The following KCTD8 variants were observed in gnomAD, a reference collection of about 807,000 sequenced individuals.
The protein encoded by KCTD8 is potassium channel tetramerization domain containing 8.
Under a neutral mutation model 31.5 loss-of-function variants are expected in KCTD8, and 27 were observed. The observed-to-expected ratio is 0.86, with a 90% CI of 0.63 to 1.18. The LOEUF is 1.18. KCTD8 is among the 50% of genes most tolerant of loss of function. The pLI, the probability that KCTD8 is intolerant of heterozygous loss-of-function variation, is 0.00. For missense variants in KCTD8, 658 were observed against 647.7 expected (o/e 1.02, Z -0.17); for synonymous variants, 290 against 280.0 (o/e 1.04, Z -0.36).
chr4:44,446,803 T>C (rs1721949288), intron 1 of KCTD8, among the ~76,000 whole-genome samples: 1 of 148,826 alleles, frequency 6.7e-6, no homozygotes, highest in African/African-American at 2.5e-5. Flanking sequence ...CCCTCCTCCC[T>C]TGCCCCTCCT....
chr4:44,313,402 T>C (rs116660841), intron 1 of KCTD8, among the ~76,000 whole-genome samples: 1,639 of 152,320 alleles, frequency 0.011, 13 homozygotes, highest in Non-Finnish European at 0.02. Context: ...AGTAGGTGAA[T>C]CACTTGGCCG....
intron 1 of KCTD8, among the ~76,000 whole-genome samples, chr4:44,253,833 G>A (rs913448938): frequency 6.6e-6 from 1 of 151,850 alleles, no homozygotes; most frequent in Non-Finnish European, 1.5e-5. Flanking sequence ...TAGAATTTTT[G>A]TTACATAGCA....
intron 1 of KCTD8, among the ~76,000 whole-genome samples, chr4:44,342,706 A>C (rs1303791306): frequency 6.6e-6 from 1 of 152,262 alleles, no homozygotes; most frequent in East Asian, 1.9e-4. Context: ...TGTTTTCTAC[A>C]TACTGAAAAT....
At chr4:44,373,190 G>A (rs1330340880) in intron 1 of KCTD8, among the ~76,000 whole-genome samples, 2 of 151,944 alleles carry the variant, frequency 1.3e-5, no homozygotes, top group African/African-American at 4.8e-5. Flanking sequence ...TGGTGAAACT[G>A]TCTCTACTAA....
intron 1 of KCTD8, among the ~76,000 whole-genome samples, chr4:44,272,121 TTATA>T (rs34459205): frequency 7.7e-5 from 11 of 142,498 alleles, no homozygotes; most frequent in South Asian, 2.2e-4. Context: ...TGGTATTATA[TTATA>T]TATATATATA....
At chr4:44,275,262 T>A (rs1295378210) in intron 1 of KCTD8, among the ~76,000 whole-genome samples, 1 of 151,994 alleles carries the variant, frequency 6.6e-6, no homozygotes, top group African/African-American at 2.4e-5. Flanking sequence ...AATATAAGCC[T>A]TTCCTGTGCT....
chr4:44,310,536 C>G (rs139602340), intron 1 of KCTD8, among the ~76,000 whole-genome samples: 3 of 152,112 alleles, frequency 2.0e-5, no homozygotes, highest in African/African-American at 7.2e-5. Flanking sequence ...AGGGGGAAAA[C>G]AAAAAGAAAC....
chr4:44,277,516 C>T (rs1379135445), intron 1 of KCTD8, among the ~76,000 whole-genome samples: 5 of 151,686 alleles, frequency 3.3e-5, no homozygotes. Context: ...CAAAAAACAG[C>T]TACACGGAGT....
chr4:44,226,928 T>A (rs1390014931), intron 1 of KCTD8, among the ~76,000 whole-genome samples: 2 of 152,286 alleles, frequency 1.3e-5, no homozygotes, highest in Non-Finnish European at 2.9e-5. Flanking sequence ...CCTTGTAGAT[T>A]CTGGATATTA....
intron 1 of KCTD8, among the ~76,000 whole-genome samples, chr4:44,349,536 T>C (rs764402050): frequency 2.6e-5 from 4 of 152,174 alleles, no homozygotes; most frequent in African/African-American, 7.2e-5. Flanking sequence ...CAAAAGCTAA[T>C]GTCATCCTGA....
rs116577506 is a variant in KCTD8, at chr4:44,389,276, T to C, written c.961+58287A>G. 2.5e-3 allele frequency among the ~76,000 whole-genome samples: 376 copies of C among 151,860 alleles called. 1 individual carries two copies. The highest frequency in any genetic ancestry group is 4.1e-3 in the Admixed American group (63 of 15,200). ...TGTGTACATTTTAAAATAAACAGTA[T>C]AATTGAGTTGTCTATAACATAAAGA... On this transcript the variant is annotated intron_variant, in intron 1 of 1. Transcript: ENST00000360029.
At chr4:44,416,028 C>A (rs1577662785) in intron 1 of KCTD8, among the ~76,000 whole-genome samples, 1 of 152,186 alleles carries the variant, frequency 6.6e-6, no homozygotes, top group Non-Finnish European at 1.5e-5. Flanking sequence ...ATGGGCTGTA[C>A]CCTGAAAAAG....
intron 1 of KCTD8, among the ~76,000 whole-genome samples, chr4:44,349,816 T>A (rs181198310): frequency 1.7e-3 from 256 of 152,286 alleles, no homozygotes; most frequent in African/African-American, 5.7e-3. Context: ...TATTGTTTTA[T>A]TAAATATTTA....
At chr4:44,382,919 T>C (rs572574584) in intron 1 of KCTD8, among the ~76,000 whole-genome samples, 35 of 151,678 alleles carry the variant, frequency 2.3e-4, no homozygotes, top group Non-Finnish European at 4.9e-4. Context: ...ACCTGAAGAC[T>C]CTACCAAAAA....
chr4:44,364,287 A>G (rs1259653975), intron 1 of KCTD8, among the ~76,000 whole-genome samples: 4 of 152,174 alleles, frequency 2.6e-5, no homozygotes, highest in Non-Finnish European at 4.4e-5. Context: ...ATTTGAATAG[A>G]CACCACACAC....
At chr4:44,257,579 A>G (rs1454664338) in intron 1 of KCTD8, among the ~76,000 whole-genome samples, 1 of 151,976 alleles carries the variant, frequency 6.6e-6, no homozygotes, top group Non-Finnish European at 1.5e-5. Flanking sequence ...ATTTTTCCCT[A>G]TGTCCCTATT....
intron 1 of KCTD8, among the ~76,000 whole-genome samples, chr4:44,333,005 T>C (rs1030483514): frequency 2.6e-4 from 39 of 152,070 alleles, no homozygotes; most frequent in African/African-American, 8.4e-4. Context: ...GACCAATTCA[T>C]TTCAATACAC....
At chr4:44,270,189 C>T (rs2109371670) in intron 1 of KCTD8, among the ~76,000 whole-genome samples, 1 of 152,054 alleles carries the variant, frequency 6.6e-6, no homozygotes, top group South Asian at 2.1e-4. Context: ...GGCACATATA[C>T]ACCATGGAAT....
chr4:44,388,342 T>C (rs1474692653), intron 1 of KCTD8, among the ~76,000 whole-genome samples: 2 of 151,874 alleles, frequency 1.3e-5, no homozygotes, highest in Admixed American at 1.3e-4. Context: ...GTCCCAGCAA[T>C]CCCATTACTG....
Sources: allele counts gnomAD v4.1 joint callset (sites outside exome capture counted in the v4.1 genomes callset), GRCh38; gene constraint gnomAD v4.1.1; transcripts MANE v1.5; gene names NCBI Gene and HGNC (gene_info 2026-07-23, HGNC 2026-07-21).